Variants in ST8SIA1 observed in about 807,000 individuals in gnomAD.
ST8SIA1 encodes ST8 alpha-N-acetyl-neuraminide alpha-2,8-sialyltransferase 1.
ST8SIA1 carries 16 observed loss-of-function variants against 35.9 expected under a neutral mutation model. The ratio of observed to expected loss-of-function variants is 0.45; its 90% CI spans 0.30 to 0.68. The LOEUF (loss-of-function observed/expected upper bound fraction) is 0.68, where lower values mean the gene tolerates loss of function less well. Ranked by LOEUF, ST8SIA1 falls within the 30% of genes least tolerant of loss-of-function variation. The probability of loss-of-function intolerance (pLI) is 0.09; values close to 1 mark genes in which losing one functional copy is unlikely to be tolerated. For synonymous variants in ST8SIA1, 170 were observed against 169.6 expected (o/e 1.00, Z -0.02); for missense variants, 383 against 453.6 (o/e 0.84, Z 1.41).
intron 3 of ST8SIA1, among the ~76,000 whole-genome samples, chr12:22,250,552 T>C (rs1352013988): frequency 1.3e-5 from 2 of 152,226 alleles, no homozygotes; most frequent in Non-Finnish European, 2.9e-5. Flanking sequence ...AGGGCATCTG[T>C]AACTTTTTAT....
At chr12:22,325,995 C>T (rs550332508) in intron 1 of ST8SIA1, 44 of 631,514 alleles carry the variant, frequency 7.0e-5, no homozygotes, top group African/African-American at 3.1e-4. Context: ...AATCTCATCA[C>T]GCTACTCAAA....
intron 1 of ST8SIA1, among the ~76,000 whole-genome samples, chr12:22,307,732 C>A (rs562966454): frequency 4.6e-5 from 7 of 152,108 alleles, no homozygotes; most frequent in Non-Finnish European, 1.0e-4. Context: ...TTGTTGATGT[C>A]TTTTGTCTGC....
At chr12:22,211,658 T>C (rs1233721829) in intron 4 of ST8SIA1, among the ~76,000 whole-genome samples, 1 of 152,196 alleles carries the variant, frequency 6.6e-6, no homozygotes, top group Non-Finnish European at 1.5e-5. Context: ...AAGGTTAGGG[T>C]CTTTAGTAAT....
intron 4 of ST8SIA1, among the ~76,000 whole-genome samples, chr12:22,245,893 A>C (rs1865595301): frequency 6.6e-6 from 1 of 152,332 alleles, no homozygotes; most frequent in South Asian, 2.1e-4. Flanking sequence ...CAGGGCTTGG[A>C]GAGCTTCCAG....
At chr12:22,239,771 C>T (rs1482932057) in intron 4 of ST8SIA1, among the ~76,000 whole-genome samples, 3 of 152,124 alleles carry the variant, frequency 2.0e-5, no homozygotes, top group Non-Finnish European at 4.4e-5. Flanking sequence ...GAGCTTTCTT[C>T]CAGAAGAAAT....
At chr12:22,302,609 G>T (rs966871040) in intron 1 of ST8SIA1, among the ~76,000 whole-genome samples, 1 of 152,098 alleles carries the variant, frequency 6.6e-6, no homozygotes, top group African/African-American at 2.4e-5. Context: ...GAGACCAAAG[G>T]CTAATTTTCT....
intron 3 of ST8SIA1, among the ~76,000 whole-genome samples, chr12:22,251,064 G>C (rs1865663647): frequency 6.6e-6 from 1 of 152,194 alleles, no homozygotes; most frequent in Admixed American, 6.6e-5. Context: ...TGTGGTAACT[G>C]ATTGTGGTCT....
At chr12:22,333,660 T>C (rs543715432) in intron 1 of ST8SIA1, among the ~76,000 whole-genome samples, 2 of 152,370 alleles carry the variant, frequency 1.3e-5, no homozygotes, top group East Asian at 1.9e-4. Flanking sequence ...GGTAAATTCT[T>C]ATTAAGTGCA....
At chr12:22,225,323 G>A (rs1865343801) in intron 4 of ST8SIA1, among the ~76,000 whole-genome samples, 1 of 152,080 alleles carries the variant, frequency 6.6e-6, no homozygotes, top group South Asian at 2.1e-4. Context: ...TGCTCAAAGA[G>A]TGAACTAATA....
rs1865020914 is a variant in ST8SIA1 at position 22,199,026 on chromosome 12, T to G, written c.*2526A>C. On this transcript the variant is annotated 3_prime_UTR_variant, in exon 5 of 5. Coordinates refer to ENST00000396037, the MANE Select transcript of ST8SIA1 (RefSeq NM_003034.4). ...CAGCACTGGCCATTTCTGTTTTGCC[T>G]TTCAGAACCCACATGAAATAGTTTC... The G allele has an allele frequency of 6.6e-6, 1 of 152,230 alleles. No homozygotes were observed. Among genetic ancestry groups the G allele is most frequent in the African/African-American group, 2.4e-5 (1 of 41,460 alleles). The allele number at this position is 152,230 out of a possible 1,614,324, so 9.4% of individuals were successfully genotyped here.
At chr12:22,259,708 C>T (rs533991206) in intron 2 of ST8SIA1, among the ~76,000 whole-genome samples, 46 of 152,138 alleles carry the variant, frequency 3.0e-4, no homozygotes, top group African/African-American at 1.1e-3. Context: ...CCTTGTGATC[C>T]GCCTGCCTCG....
At chr12:22,285,886 A>AC (rs1866095522) in intron 2 of ST8SIA1, among the ~76,000 whole-genome samples, 1 of 109,714 alleles carries the variant, frequency 9.1e-6, no homozygotes, top group African/African-American at 2.9e-5. Context: ...ACAAAAAAAA[A>AC]AAAAAAAAAA....
At chr12:22,328,283 T>A (rs1866707098) in intron 1 of ST8SIA1, among the ~76,000 whole-genome samples, 1 of 152,218 alleles carries the variant, frequency 6.6e-6, no homozygotes, top group African/African-American at 2.4e-5. Flanking sequence ...GGTGGCTATC[T>A]GGTTCCACAC....
intron 1 of ST8SIA1, chr12:22,325,795 T>C: frequency 1.4e-6 from 1 of 697,558 alleles, no homozygotes; most frequent in Non-Finnish European, 2.6e-6. Flanking sequence ...TATAACAATA[T>C]ACCTGCATCA....
chr12:22,206,486 G>T (rs570608805), intron 4 of ST8SIA1, among the ~76,000 whole-genome samples: 1 of 152,180 alleles, frequency 6.6e-6, no homozygotes, highest in Non-Finnish European at 1.5e-5. Flanking sequence ...GGAAGGACGC[G>T]TCAGTTTCCA....
intron 1 of ST8SIA1, among the ~76,000 whole-genome samples, chr12:22,333,129 C>A (rs757082259): frequency 3.1e-4 from 47 of 152,236 alleles, no homozygotes; most frequent in South Asian, 6.2e-4. Flanking sequence ...TCTAAAATTC[C>A]CAGAAAGGAA....
At chr12:22,307,119 G>GT (rs113116063) in intron 1 of ST8SIA1, among the ~76,000 whole-genome samples, 2 of 151,824 alleles carry the variant, frequency 1.3e-5, no homozygotes, top group East Asian at 1.9e-4. Context: ...TTTGGTCTCT[G>GT]TTTTTTTATG....
chr12:22,288,323 C>T (rs1384552348), intron 1 of ST8SIA1, among the ~76,000 whole-genome samples: 2 of 152,220 alleles, frequency 1.3e-5, no homozygotes, highest in African/African-American at 4.8e-5. Context: ...GACTTCAAGT[C>T]CTGCCTCTGC....
chr12:22,312,226 C>T (rs1421078340), intron 1 of ST8SIA1, among the ~76,000 whole-genome samples: 2 of 152,126 alleles, frequency 1.3e-5, no homozygotes, highest in Non-Finnish European at 2.9e-5. Context: ...CAGGATACTG[C>T]CTACCAGGGT....
Sources: allele counts gnomAD v4.1 joint callset (sites outside exome capture counted in the v4.1 genomes callset), GRCh38; gene constraint gnomAD v4.1.1; transcripts MANE v1.5; gene names NCBI Gene and HGNC (gene_info 2026-07-23, HGNC 2026-07-21).